Variants in RBMS2 observed in about 807,000 individuals in gnomAD.
The protein encoded by RBMS2 is RNA binding motif single stranded interacting protein 2.
RBMS2 carries 38 observed loss-of-function variants against 58.4 expected under a neutral mutation model. The observed-to-expected ratio is 0.65, with a 90% confidence interval of 0.50 to 0.85. RBMS2 has a LOEUF of 0.85. Ranked by LOEUF, RBMS2 falls within the 40% of genes least tolerant of loss-of-function variation. The probability of loss-of-function intolerance (pLI) is 0.00; values close to 1 mark genes in which losing one functional copy is unlikely to be tolerated. For missense variants in RBMS2, 367 were observed against 503.7 expected (o/e 0.73, Z 2.60); for synonymous variants, 151 against 180.7 (o/e 0.84, Z 1.32).
At chr12:56,585,313 A>T (rs1200125801) in intron 9 of RBMS2, among the ~76,000 whole-genome samples, 3 of 152,212 alleles carry the variant, frequency 2.0e-5, no homozygotes, top group Non-Finnish European at 4.4e-5. Context: ...TTATTAAATA[A>T]TCTCACTTTT....
intron 1 of RBMS2, among the ~76,000 whole-genome samples, chr12:56,546,130 T>G (rs1021957598): frequency 6.6e-6 from 1 of 150,428 alleles, no homozygotes; most frequent in Non-Finnish European, 1.5e-5. Flanking sequence ...ATTTTTATTT[T>G]TTTTTGAGAC....
At chr12:56,528,506 G>T (rs1873101260) in intron 1 of RBMS2, among the ~76,000 whole-genome samples, 1 of 151,894 alleles carries the variant, frequency 6.6e-6, no homozygotes, top group African/African-American at 2.4e-5. Flanking sequence ...TAGAAAGTAG[G>T]CAAAACATCT....
chr12:56,575,199 C>T (rs1414091095), intron 5 of RBMS2, among the ~76,000 whole-genome samples: 1 of 151,672 alleles, frequency 6.6e-6, no homozygotes, highest in Non-Finnish European at 1.5e-5. Flanking sequence ...GAGGCTGAGG[C>T]GGGCAGATCA....
chr12:56,545,144 T>TTAA lies in RBMS2; in HGVS notation c.67-17273_67-17272insTAA, dbSNP rs1288160104. 4.6e-5 allele frequency among the ~76,000 whole-genome samples: 7 copies of TTAA among 152,296 alleles called. No individual in the cohort carries two copies. The South Asian group carries it at 1.4e-3, about 32-fold the overall frequency. ...GCATCCTCATAGCTTAGCTCTCATT[T>TTAA]ATAAGTGAGAACATATAACATGCGG... On this transcript the variant is annotated intron_variant, in intron 1 of 13. Transcript: ENST00000262031.
At chr12:56,576,278 A>G (rs2136513121) in intron 5 of RBMS2, among the ~76,000 whole-genome samples, 1 of 152,296 alleles carries the variant, frequency 6.6e-6, no homozygotes, top group East Asian at 1.9e-4. Flanking sequence ...CAGAGGTTGC[A>G]GTGAGCCAAG....
At chr12:56,588,633 C>T in intron 12 of RBMS2, 1 of 583,444 alleles carries the variant, frequency 1.7e-6, no homozygotes, top group Non-Finnish European at 3.0e-6. Context: ...AAAAAAACAA[C>T]AGCAGATGTA....
At chr12:56,536,084 C>T (rs1471669223) in intron 1 of RBMS2, among the ~76,000 whole-genome samples, 2 of 151,564 alleles carry the variant, frequency 1.3e-5, no homozygotes, top group African/African-American at 2.4e-5. Context: ...ACCGTAATCC[C>T]AGCTACTCGG....
intron 1 of RBMS2, among the ~76,000 whole-genome samples, chr12:56,560,380 C>T (rs1880180294): frequency 6.6e-6 from 1 of 151,892 alleles, no homozygotes; most frequent in Non-Finnish European, 1.5e-5. Context: ...CCTCAGCCTC[C>T]TGAGTAGCTG....
chr12:56,577,650 T>TG (rs1412478164), intron 5 of RBMS2, among the ~76,000 whole-genome samples: 2 of 151,166 alleles, frequency 1.3e-5, no homozygotes, highest in African/African-American at 4.9e-5. Context: ...AATTTTTTGG[T>TG]GGGGGGATGG....
At chr12:56,577,420 T>A (rs1883293020) in intron 5 of RBMS2, among the ~76,000 whole-genome samples, 1 of 150,496 alleles carries the variant, frequency 6.6e-6, no homozygotes. Flanking sequence ...TCAAAAATAA[T>A]AATAATAAAT....
At position 56,594,632 on chromosome 12, in the gene RBMS2, T is replaced by A. The variant is rs1885572169; in HGVS notation, c.*5499T>A. The A allele has an allele frequency of 6.6e-6, 1 of 152,176 alleles. No individual in the cohort carries two copies. Among genetic ancestry groups the A allele is most frequent in the South Asian group, 2.1e-4 (1 of 4,830 alleles). The allele number at this position is 152,176 out of a possible 1,614,324, so 9.4% of individuals were successfully genotyped here. A position where few individuals can be genotyped will look rare whatever the true frequency, so the allele number is the denominator to read the frequency against. On this transcript the variant is annotated 3_prime_UTR_variant, in exon 14 of 14. Coordinates refer to ENST00000262031, the MANE Select transcript of RBMS2 (RefSeq NM_002898.4). ...AGTCAGCTATGGACTTCCATAGGAG[T>A]TGGCAGCTAAAACCAGACTGTGAGC...
chr12:56,536,200 CAAAAAAAAAA>C lies in RBMS2; in HGVS notation c.66+14130_66+14139del, dbSNP rs71446560. ...GGGTGACAAGAGTGAAACTCTGTCTCAAAAAAAAAAAAAAAAAAAAAAAAAAAATCCCAGC... is the reference window on the plus strand; with the variant it reads ...GGGTGACAAGAGTGAAACTCTGTCTCAAAAAAAAAAAAAAAAAATCCCAGC... On this transcript the variant is annotated intron_variant, in intron 1 of 13. Coordinates refer to ENST00000262031, the MANE Select transcript of RBMS2 (RefSeq NM_002898.4). Among the ~76,000 whole-genome samples, 98 of 76,432 alleles carry C rather than the reference CAAAAAAAAAA, an allele frequency of 1.3e-3. 1 individual carries two copies. The Middle Eastern group carries it at 0.025, about 20-fold the overall frequency. The allele number at this position is 76,432 out of a possible 152,430, so 50.1% of individuals were successfully genotyped here. A position where few individuals can be genotyped will look rare whatever the true frequency, so the allele number is the denominator to read the frequency against.
intron 1 of RBMS2, among the ~76,000 whole-genome samples, chr12:56,532,473 T>C (rs11171884): frequency 0.45 from 67,835 of 151,310 alleles, 16,037 homozygotes; most frequent in East Asian, 0.59. Flanking sequence ...ACCTGGGAGA[T>C]GGAGGTTGCA....
chr12:56,553,196 C>T (rs1483060822), intron 1 of RBMS2, among the ~76,000 whole-genome samples: 2 of 151,790 alleles, frequency 1.3e-5, no homozygotes, highest in East Asian at 1.9e-4. Context: ...GGATTACAGG[C>T]GTGAGCCACT....
At chr12:56,568,836 T>G (rs1440052872) in intron 2 of RBMS2, 139 bp from the exon 3 acceptor site, 1 of 733,952 alleles carries the variant, frequency 1.4e-6, no homozygotes, top group African/African-American at 1.8e-5. Flanking sequence ...GGCCCCCGTT[T>G]CTTTTTTATT....
At chr12:56,535,529 CAT>C (rs1447873948) in intron 1 of RBMS2, among the ~76,000 whole-genome samples, 8 of 151,392 alleles carry the variant, frequency 5.3e-5, no homozygotes, top group African/African-American at 1.9e-4. Flanking sequence ...TATCCAGTCT[CAT>C]AGCTTTGAAT....
At chr12:56,561,758 ACCC>A (rs751439284) in intron 1 of RBMS2, among the ~76,000 whole-genome samples, 16 of 28,642 alleles carry the variant, frequency 5.6e-4, no homozygotes, top group Non-Finnish European at 1.1e-3. Flanking sequence ...CTCGTGATCC[ACCC>A]CCCCCCTCCT....
chr12:56,546,100 T>A (rs2136323009), intron 1 of RBMS2, among the ~76,000 whole-genome samples: 1 of 150,868 alleles, frequency 6.6e-6, no homozygotes, highest in East Asian at 1.9e-4. Context: ...CACACCTGGC[T>A]AATTTTTGTA....
In RBMS2 at chr12:56,587,558, C is replaced by T; in HGVS notation, c.956C>T (p.Ser319Leu). The T allele has an allele frequency of 6.2e-7, 1 of 1,613,618 alleles. No individual in the cohort carries two copies. Among genetic ancestry groups the T allele is most frequent in the Non-Finnish European group, 8.5e-7 (1 of 1,179,742 alleles). ...GTCCTTTGTTGCTGCCTCTAGGGTT[C>T]AGTTCTGACACCAGGGATGGACCAT... ...HHSYLMQPSG[S>L]VLTPGMDHPI... The change falls in exon 11 of 14, where the codon TCA (serine) becomes TTA (leucine). Residue 319 changes from serine to leucine, a missense_variant. Transcript: ENST00000262031.
Sources: allele counts gnomAD v4.1 joint callset (sites outside exome capture counted in the v4.1 genomes callset), GRCh38; gene constraint gnomAD v4.1.1; transcripts MANE v1.5; gene names NCBI Gene and HGNC (gene_info 2026-07-23, HGNC 2026-07-21).